Variants in SMIM14 observed in about 807,000 individuals in gnomAD.
SMIM14 encodes chromosome 4 open reading frame 34.
A neutral mutation model predicts 12.6 loss-of-function variants in SMIM14; 5 were observed. The ratio of observed to expected loss-of-function variants is 0.40; its 90% CI spans 0.21 to 0.83. SMIM14 has a LOEUF of 0.83. SMIM14 is among the 40% of genes least tolerant of loss of function. The pLI, the probability that SMIM14 is intolerant of heterozygous loss-of-function variation, is 0.37. For synonymous variants in SMIM14, 30 were observed against 40.1 expected, an observed-to-expected ratio of 0.75 and a Z score of 0.95; for missense variants, 86 against 119.1, an observed-to-expected ratio of 0.72 and a Z score of 1.29.
chr4:39,585,060 T>C (rs1460030286), intron 2 of SMIM14, among the ~76,000 whole-genome samples: 11 of 151,874 alleles, frequency 7.2e-5, no homozygotes, highest in Admixed American at 6.6e-4. Context: ...AGTAAATGCA[T>C]AGCCATACCC....
chr4:39,625,963 C>G (rs1578368848), intron 1 of SMIM14, among the ~76,000 whole-genome samples: 1 of 152,250 alleles, frequency 6.6e-6, no homozygotes, highest in East Asian at 1.9e-4. Context: ...AGGCCATGGA[C>G]TGGTACTGGT....
intron 2 of SMIM14, among the ~76,000 whole-genome samples, chr4:39,603,522 G>A (rs1714692999): frequency 6.6e-6 from 1 of 152,080 alleles, no homozygotes; most frequent in Non-Finnish European, 1.5e-5. Flanking sequence ...TCGCGCCACT[G>A]CACTCCAGCC....
At chr4:39,574,383 G>A (rs1281427329) in intron 2 of SMIM14, among the ~76,000 whole-genome samples, 1 of 151,892 alleles carries the variant, frequency 6.6e-6, no homozygotes, top group East Asian at 1.9e-4. Context: ...CCTCCCTACA[G>A]GTGCATGCCA....
chr4:39,590,594 G>C (rs1248331104), intron 2 of SMIM14, among the ~76,000 whole-genome samples: 4 of 151,842 alleles, frequency 2.6e-5, no homozygotes, highest in East Asian at 1.9e-4. Context: ...CTAAGGTCAG[G>C]AGTTCGAGAC....
chr4:39,628,953 G>A (rs866279132), intron 1 of SMIM14, among the ~76,000 whole-genome samples: 1 of 150,980 alleles, frequency 6.6e-6, no homozygotes, highest in Non-Finnish European at 1.5e-5. Context: ...GGCTGGTCTC[G>A]AACTCCTTAC....
rs1308356555 is a variant in SMIM14 at position 39,576,678 on chromosome 4, ATATATATTTTTTTTTTTTTTTTTTTT to A, written c.76-4241_76-4216del. Among the ~76,000 whole-genome samples the A allele has an allele frequency of 5.0e-4, 15 of 29,944 alleles. 1 individual carries two copies. Among genetic ancestry groups the A allele is most frequent in the African/African-American group, 1.8e-3 (14 of 7,966 alleles). The allele number at this position is 29,944 out of a possible 152,430, so 19.6% of individuals were successfully genotyped here. On this transcript the variant is annotated intron_variant, in intron 2 of 4. Transcript: ENST00000295958. ...TGTATGTGTATATATATATATATATATATATATTTTTTTTTTTTTTTTTTTTTTTTTTTTTTTTTTTTTTTTGAGAC... is the reference window on the plus strand; with the variant it reads ...TGTATGTGTATATATATATATATATATTTTTTTTTTTTTTTTTTTTGAGAC...
At chr4:39,624,757 G>A (rs1432094535) in intron 1 of SMIM14, among the ~76,000 whole-genome samples, 3 of 146,912 alleles carry the variant, frequency 2.0e-5, no homozygotes, top group Non-Finnish European at 4.5e-5. Flanking sequence ...CTAGGAGGCG[G>A]AGGTTGCATT....
intron 1 of SMIM14, among the ~76,000 whole-genome samples, chr4:39,613,039 T>C (rs1302225535): frequency 2.0e-5 from 3 of 152,184 alleles, no homozygotes; most frequent in South Asian, 4.1e-4. Flanking sequence ...GTATTATCCA[T>C]CAAAATTGTA....
chr4:39,629,013 G>A (rs1367549134), intron 1 of SMIM14, among the ~76,000 whole-genome samples: 5 of 151,590 alleles, frequency 3.3e-5, no homozygotes, highest in African/African-American at 9.7e-5. Flanking sequence ...GATTACAGGC[G>A]TGAGCCACTG....
chr4:39,552,885 C>G (rs1204554047), intron 4 of SMIM14, among the ~76,000 whole-genome samples: 1 of 152,072 alleles, frequency 6.6e-6, no homozygotes, highest in Non-Finnish European at 1.5e-5. Context: ...TTTATTTACC[C>G]TGAAATGATA....
chr4:39,623,730 T>C (rs1451672342), intron 1 of SMIM14, among the ~76,000 whole-genome samples: 1 of 152,060 alleles, frequency 6.6e-6, no homozygotes, highest in African/African-American at 2.4e-5. Context: ...GGTGTGGTGG[T>C]GCATGCCTGC....
Position 39,592,267 on chromosome 4 carries a change from C to CTTT in SMIM14, c.75+12801_75+12803dup, listed in dbSNP as rs34640338. On this transcript the variant is annotated intron_variant, in intron 2 of 4. Coordinates refer to ENST00000295958, the MANE Select transcript of SMIM14 (RefSeq NM_174921.3). ...TAGTCACAGAGATGGTCATTTGCCT[C>CTTT]TTTTTTTTTTTTTTTTTTTAAGACA... Among the ~76,000 whole-genome samples, 31 of 131,624 alleles carry CTTT rather than the reference C, an allele frequency of 2.4e-4. 1 individual carries two copies. Among genetic ancestry groups the CTTT allele is most frequent in the African/African-American group, 8.6e-4 (31 of 35,880 alleles). The allele number at this position is 131,624 out of a possible 152,430, so 86.4% of individuals were successfully genotyped here. A position where few individuals can be genotyped will look rare whatever the true frequency, so the allele number is the denominator to read the frequency against.
At chr4:39,566,883 C>T (rs1578317266) in intron 3 of SMIM14, among the ~76,000 whole-genome samples, 1 of 152,224 alleles carries the variant, frequency 6.6e-6, no homozygotes, top group South Asian at 2.1e-4. Flanking sequence ...AGGAGAATCG[C>T]TTGAACCTGC....
chr4:39,616,971 T>G (rs1715249969), intron 1 of SMIM14, among the ~76,000 whole-genome samples: 1 of 152,188 alleles, frequency 6.6e-6, no homozygotes, highest in South Asian at 2.1e-4. Context: ...GAATTTAAAC[T>G]TGGGGAAGAA....
At chr4:39,630,309 G>A (rs1715852813) in intron 1 of SMIM14, among the ~76,000 whole-genome samples, 3 of 152,158 alleles carry the variant, frequency 2.0e-5, no homozygotes, top group Non-Finnish European at 4.4e-5. Flanking sequence ...AGAAGGCTGA[G>A]AAGGGAGGAT....
intron 1 of SMIM14, among the ~76,000 whole-genome samples, chr4:39,616,857 GAT>G (rs1715245864): frequency 6.6e-6 from 1 of 151,960 alleles, no homozygotes; most frequent in Non-Finnish European, 1.5e-5. Context: ...ACAATACTAA[GAT>G]ATTCATTTCC....
chr4:39,620,823 A>C (rs1715459075), intron 1 of SMIM14, among the ~76,000 whole-genome samples: 1 of 152,224 alleles, frequency 6.6e-6, no homozygotes, highest in Non-Finnish European at 1.5e-5. Context: ...GGAATAAACA[A>C]GTTTTTCAAA....
Position 39,596,877 on chromosome 4 carries a change from G to A in SMIM14, c.75+8194C>T, listed in dbSNP as rs530807873. ...TGCAGCCTTGACTTCCCAGGCTCAAGCAATCCTCTGACCTCAGCCTCTGAA... is the reference window on the plus strand; with the variant it reads ...TGCAGCCTTGACTTCCCAGGCTCAAACAATCCTCTGACCTCAGCCTCTGAA... On this transcript the variant is annotated intron_variant, in intron 2 of 4. Transcript: ENST00000295958. Among the ~76,000 whole-genome samples, 148 of 152,230 alleles carry A rather than the reference G, an allele frequency of 9.7e-4. 1 individual carries two copies. The highest frequency in any genetic ancestry group is 3.5e-3 in the African/African-American group (147 of 41,558).
At chr4:39,592,230 C>T (rs1560296515) in intron 2 of SMIM14, among the ~76,000 whole-genome samples, 2 of 148,460 alleles carry the variant, frequency 1.3e-5, no homozygotes, top group African/African-American at 4.9e-5. Flanking sequence ...GATAGATAGA[C>T]AGATAGATAG....
Sources: allele counts gnomAD v4.1 joint callset (sites outside exome capture counted in the v4.1 genomes callset), GRCh38; gene constraint gnomAD v4.1.1; transcripts MANE v1.5; gene names NCBI Gene and HGNC (gene_info 2026-07-23, HGNC 2026-07-21).